MYH3: variants seen among roughly 807,000 people sequenced by gnomAD.
MYH3 encodes the protein myosin-3.
A neutral mutation model predicts 238.0 loss-of-function variants in MYH3; 130 were observed. The observed-to-expected ratio is 0.55, with a 90% CI of 0.47 to 0.63. The LOEUF is 0.63. Ranked by LOEUF, MYH3 falls within the 30% of genes least tolerant of loss-of-function variation. The pLI is 0.00. For missense variants in MYH3, 1,853 were observed against 2,374.9 expected, an observed-to-expected ratio of 0.78 and a Z score of 4.57; for synonymous variants, 880 against 924.1, an observed-to-expected ratio of 0.95 and a Z score of 0.86.
At chr17:10,676,893 G>A in the MYH3 span, 1 of 152,124 alleles carries the variant, frequency 6.6e-6, no homozygotes, top group Non-Finnish European at 1.5e-5. Flanking sequence ...ACCCCTATAA[G>A]GTCTAAAGGT....
chr17:10,652,293 GT>G, intron 4 of MYH3, 126 bp downstream of exon 4: 1 of 1,214,168 alleles, frequency 8.2e-7, no homozygotes, highest in Non-Finnish European at 1.2e-6. Flanking sequence ...CCGTCTTTGT[GT>G]TTTGTTCATC....
chr17:10,652,607 GTCTTTTTTTT>G, intron 3 of MYH3, 44 bp from the exon 4 acceptor site: 1 of 605,270 alleles, frequency 1.7e-6, no homozygotes, highest in Non-Finnish European at 2.7e-6. Flanking sequence ...TGGTCTGCAC[GTCTTTTTTTT>G]TTTTTTTTTT....
the MYH3 span, among the ~76,000 whole-genome samples, chr17:10,667,436 C>T: frequency 2.0e-5 from 3 of 152,220 alleles, no homozygotes; most frequent in East Asian, 3.9e-4. Flanking sequence ...AATCCCAGCA[C>T]TTTGGGAGGC....
intron 33 of MYH3, 92 bp downstream of exon 33, chr17:10,633,499 C>A: frequency 8.9e-6 from 14 of 1,570,798 alleles, no homozygotes; most frequent in Non-Finnish European, 1.0e-5. Flanking sequence ...TTGACAAAGG[C>A]AAAAATGGAG....
rs1201194455 is a variant in MYH3 at position 10,641,204 on chromosome 17, T to C, written c.2048-2A>G. 2 of 1,613,456 alleles carry C rather than the reference T, an allele frequency of 1.2e-6. No individual in the cohort carries two copies. Among genetic ancestry groups the C allele is most frequent in the Non-Finnish European group, 1.7e-6 (2 of 1,179,408 alleles). The stretch of plus-strand genomic sequence containing the variant: ...GAACAAGGCTGTGTTCCATAGCCCC[T>C]GGGAACAGAAGCGAGATATCAGCCT... On this transcript the variant is annotated splice_acceptor_variant, in intron 18 of 40. Transcript: ENST00000583535. LOFTEE classifies it high-confidence loss of function.
intron 10 of MYH3, 62 bp downstream of exon 10, chr17:10,647,120 C>G (rs1196396376): frequency 9.2e-6 from 11 of 1,201,828 alleles, no homozygotes; most frequent in Middle Eastern, 2.3e-4. Flanking sequence ...ATACAACTCT[C>G]CTTGGTCTAG....
At chr17:10,641,508 CTTTTTTTTTTTTTT>C (rs541839271) in intron 17 of MYH3, 136 bp from the exon 18 acceptor site, 2 of 115,158 alleles carry the variant, frequency 1.7e-5, no homozygotes, top group Admixed American at 2.8e-4. Context: ...TTAACTCTGT[CTTTTTTTTTTTTTT>C]TTTTTTTTTT....
At chr17:10,630,946 C>A (rs2074150372) in intron 36 of MYH3, among the ~76,000 whole-genome samples, 1 of 152,110 alleles carries the variant, frequency 6.6e-6, no homozygotes, top group Non-Finnish European at 1.5e-5. Context: ...AGAGCTACAC[C>A]CAGTAGATAA....
At chr17:10,640,857 C>T (rs1452528444) in intron 19 of MYH3, among the ~76,000 whole-genome samples, 171 bp from the exon 20 acceptor site, 1 of 152,226 alleles carries the variant, frequency 6.6e-6, no homozygotes, top group Non-Finnish European at 1.5e-5. Context: ...GATCTCTTGA[C>T]TCTTCAGTCA....
chr17:10,653,864 TC>T (rs1263336030), intron 3 of MYH3, among the ~76,000 whole-genome samples: 1 of 152,184 alleles, frequency 6.6e-6, no homozygotes, highest in Admixed American at 6.5e-5. Flanking sequence ...GCTTCCTCCT[TC>T]CCTGACGTGT....
intron 3 of MYH3, among the ~76,000 whole-genome samples, chr17:10,653,040 G>A (rs545560453): frequency 7.9e-5 from 12 of 152,236 alleles, no homozygotes; most frequent in Middle Eastern, 3.4e-3. Flanking sequence ...GCTATGGGGC[G>A]GCTTGTGGTG....
chr17:10,648,738 C>T (rs1223415166), intron 7 of MYH3, 89 bp from the exon 8 acceptor site: 11 of 1,165,104 alleles, frequency 9.4e-6, no homozygotes, highest in Middle Eastern at 2.8e-4. Flanking sequence ...TGCAATGGCA[C>T]GATCTTGGCT....
In MYH3 at chr17:10,642,641, T is replaced by C; in HGVS notation, c.1664A>G (p.Asp555Gly). The C allele has an allele frequency of 6.2e-7, 1 of 1,614,242 alleles. No individual in the cohort carries two copies. Among genetic ancestry groups the C allele is most frequent in the Non-Finnish European group, 8.5e-7 (1 of 1,180,048 alleles). ...TDTSFKNKLY[D>G]QHLGKSNNFQ... Reference sequence around the variant, plus strand: ...GTTGTTGGACTTTCCAAGATGCTGGTCATACAGCTTGTTCTTGAAGGAGGT... The same window carrying C: ...GTTGTTGGACTTTCCAAGATGCTGGCCATACAGCTTGTTCTTGAAGGAGGT... Residue 555 changes from aspartate (D) to glycine (G), a missense_variant, in exon 16 of 41, where the codon GAC becomes GGC. Asp to Gly is a moderately conservative substitution (Grantham distance 94). Transcript: ENST00000583535. This position sits in a 1 kb window ranked among gnomAD's most constrained non-coding sequence, Gnocchi z 5.4.
intron 28 of MYH3, among the ~76,000 whole-genome samples, chr17:10,637,063 C>CTTT (rs111976484): frequency 0.019 from 2,804 of 145,452 alleles, 93 homozygotes; most frequent in African/African-American, 0.066. Context: ...TTCCCTTAAA[C>CTTT]TTTTTTTTTT....
chr17:10,628,580 T>G lies in MYH3; in HGVS notation c.*73A>C, dbSNP rs2074116364. 1 of 1,509,942 alleles carries G rather than the reference T, an allele frequency of 6.6e-7. No homozygotes were observed. The highest frequency in any genetic ancestry group is 9.2e-7 in the Non-Finnish European group (1 of 1,085,182). 93.5% of individuals were successfully genotyped at this position (1,509,942 alleles called of 1,614,324 possible). A position where few individuals can be genotyped will look rare whatever the true frequency, so the allele number is the denominator to read the frequency against. On this transcript the variant is annotated 3_prime_UTR_variant, in exon 41 of 41. Coordinates refer to ENST00000583535, the MANE Select transcript of MYH3 (RefSeq NM_002470.4). ...CATGTGAAAAAGAGTCACATGGACA[T>G]TAAGTATCAATGGTCAGGAATCAAG...
At chr17:10,660,900 G>A (rs552486549), upstream of MYH3, among the ~76,000 whole-genome samples, 45 of 151,718 alleles carry the variant, frequency 3.0e-4, no homozygotes, top group Admixed American at 1.0e-3. Flanking sequence ...CAGGAGAATT[G>A]CTTGAACCCA....
Position 10,638,390 on chromosome 17 carries a change from C to T in MYH3, c.3382G>A (p.Ala1128Thr), listed in dbSNP as rs781241773. 3.7e-6 allele frequency: 6 copies of T among 1,601,954 alleles called. No homozygotes were observed. ...ELEEEIEAER[A>T]TRAKTEKQRS... Reference sequence around the variant, plus strand: ...TGTTTCTCTGTCTTCGCGCGGGTGGCCCTCTCCGCCTCTATCTCCTCTTCC... The same window carrying T: ...TGTTTCTCTGTCTTCGCGCGGGTGGTCCTCTCCGCCTCTATCTCCTCTTCC... The change falls in exon 27 of 41, where the codon GCC (alanine) becomes ACC (threonine). Residue 1128 changes from alanine to threonine, a missense_variant. This residue lies in a region of MYH3 where 1,044 missense variants were observed against 1,192.6 expected (regional missense o/e 0.88). Coordinates refer to ENST00000583535, the MANE Select transcript of MYH3 (RefSeq NM_002470.4).
chr17:10,648,459 C>A, intron 8 of MYH3, 98 bp downstream of exon 8: 1 of 1,011,690 alleles, frequency 9.9e-7, no homozygotes. Context: ...TGTTTTTCAT[C>A]ATCTGTTGCC....
At chr17:10,653,137 TGAGAA>T (rs1211928010) in intron 3 of MYH3, among the ~76,000 whole-genome samples, 1 of 151,910 alleles carries the variant, frequency 6.6e-6, no homozygotes, top group African/African-American at 2.4e-5. Flanking sequence ...ATGTCGGAAA[TGAGAA>T]AAGAGGATCT....
Sources: gnomAD v4.1 joint callset for allele counts (sites outside exome capture counted in the v4.1 genomes callset) on GRCh38, gnomAD v4.1.1 for gene constraint, gnomAD v4.1.1 regional missense constraint, Gnocchi (gnomAD v3.1) non-coding constraint, MANE v1.5 for transcripts, NCBI Gene and HGNC (gene_info 2026-07-23, HGNC 2026-07-21) for gene names.